Variants in GLMN observed in about 807,000 individuals in gnomAD.
GLMN encodes the protein glomulin.
GLMN carries 75 observed loss-of-function variants against 87.8 expected under a neutral mutation model. That is an observed-to-expected ratio of 0.85 (90% CI 0.71 to 1.04). GLMN has a LOEUF of 1.04. Ranked by LOEUF, GLMN falls within the 50% of genes least tolerant of loss-of-function variation. GLMN has a pLI of 0.00. For missense variants in GLMN, 588 were observed against 658.8 expected, an observed-to-expected ratio of 0.89 and a Z score of 1.18; for synonymous variants, 206 against 221.6, an observed-to-expected ratio of 0.93 and a Z score of 0.63.
chr1:92,314,207 T>C, the GLMN span, among the ~76,000 whole-genome samples: 1 of 152,216 alleles, frequency 6.6e-6, no homozygotes, highest in Non-Finnish European at 1.5e-5. Flanking sequence ...GCTTTTGACA[T>C]GCCTTCCTCA....
chr1:92,332,426 C>T, the GLMN span, among the ~76,000 whole-genome samples: 105 of 151,726 alleles, frequency 6.9e-4, no homozygotes, highest in Non-Finnish European at 3.1e-4. Context: ...ATTTAGATTC[C>T]CTGAGGATTG....
chr1:92,333,223 C>A, the GLMN span: 1 of 575,772 alleles, frequency 1.7e-6, no homozygotes, highest in Non-Finnish European at 3.1e-6. Flanking sequence ...TTCACAACAG[C>A]CTAACAACTG....
chr1:92,325,685 A>T, the GLMN span, among the ~76,000 whole-genome samples: 1 of 152,314 alleles, frequency 6.6e-6, no homozygotes, highest in East Asian at 1.9e-4. Context: ...ACCCAAGCCA[A>T]GAAATAGGTC....
intron 7 of GLMN, among the ~76,000 whole-genome samples, chr1:92,285,611 A>C (rs1245909712): frequency 1.3e-5 from 2 of 152,202 alleles, no homozygotes; most frequent in African/African-American, 4.8e-5. Flanking sequence ...CTTAAAGTAT[A>C]ATTGAAAAAG....
the GLMN span, among the ~76,000 whole-genome samples, chr1:92,346,666 T>A: frequency 2.6e-5 from 4 of 152,222 alleles, no homozygotes; most frequent in African/African-American, 9.6e-5. Flanking sequence ...TGTACATTTT[T>A]AAAATCTGAC....
chr1:92,251,919 C>T (rs1359108401), intron 16 of GLMN, among the ~76,000 whole-genome samples: 2 of 151,942 alleles, frequency 1.3e-5, no homozygotes, highest in African/African-American at 2.4e-5. Context: ...CCTCAGCCTC[C>T]AGAGTAGCTG....
chr1:92,344,963 C>G, the GLMN span, among the ~76,000 whole-genome samples: 1 of 152,050 alleles, frequency 6.6e-6, no homozygotes, highest in South Asian at 2.1e-4. Flanking sequence ...AGTGATCTTT[C>G]TAAATGCTTT....
At chr1:92,247,775 CTAAAG>C (rs1156307084) in intron 17 of GLMN, 98 bp downstream of exon 17, 8 of 691,340 alleles carry the variant, frequency 1.2e-5, no homozygotes, top group Non-Finnish European at 1.8e-5. Flanking sequence ...GTTATGGTCT[CTAAAG>C]TACAAGATTT....
chr1:92,329,303 C>T, the GLMN span, among the ~76,000 whole-genome samples: 2 of 152,110 alleles, frequency 1.3e-5, no homozygotes, highest in African/African-American at 4.8e-5. Flanking sequence ...ATTCCCAGGC[C>T]AATGGAGTTA....
the GLMN span, among the ~76,000 whole-genome samples, chr1:92,344,072 C>T: frequency 1.3e-5 from 2 of 152,104 alleles, no homozygotes; most frequent in Non-Finnish European, 2.9e-5. Context: ...TGTTTACTGC[C>T]ATAAACAATA....
upstream of GLMN, among the ~76,000 whole-genome samples, chr1:92,302,271 C>G (rs1650903868): frequency 6.7e-6 from 1 of 149,366 alleles, no homozygotes; most frequent in South Asian, 2.1e-4. Flanking sequence ...GAGTGAGACT[C>G]TGTCTCAAAA....
chr1:92,288,841 G>T, intron 6 of GLMN, 73 bp downstream of exon 6: 1 of 830,626 alleles, frequency 1.2e-6, no homozygotes, highest in Non-Finnish European at 2.1e-6. Context: ...GTCAAACAAA[G>T]TGAAGAAACA....
the GLMN span, among the ~76,000 whole-genome samples, chr1:92,311,142 G>A: frequency 3.9e-5 from 6 of 152,264 alleles, no homozygotes; most frequent in Middle Eastern, 3.4e-3. Context: ...TTTGAAGAGC[G>A]CTGTTTTGTT....
chr1:92,284,743 A>T (rs1462261131), intron 7 of GLMN, among the ~76,000 whole-genome samples: 1 of 152,210 alleles, frequency 6.6e-6, no homozygotes, highest in Non-Finnish European at 1.5e-5. Flanking sequence ...GCTAATATCC[A>T]GAATCTACAA....
chr1:92,333,474 G>A, the GLMN span: 2 of 1,604,894 alleles, frequency 1.2e-6, no homozygotes, highest in Middle Eastern at 1.6e-4. Context: ...TGAGTAAAGT[G>A]TAAGTATGTA....
chr1:92,294,343 T>C (rs1329950641), intron 3 of GLMN, among the ~76,000 whole-genome samples: 1 of 152,040 alleles, frequency 6.6e-6, no homozygotes, highest in African/African-American at 2.4e-5. Context: ...ATAATAAAAA[T>C]AGAGTATACG....
chr1:92,250,147 GCTTTGACAAAAGGAAAC>G (rs71683653), intron 16 of GLMN, among the ~76,000 whole-genome samples: 3,552 of 151,850 alleles, frequency 0.023, 163 homozygotes, highest in African/African-American at 0.081. Context: ...AAAACACCTA[GCTTTGACAAAAGGAAAC>G]CTTTGACAAA....
At chr1:92,333,251 A>T in the GLMN span, 2 of 627,226 alleles carry the variant, frequency 3.2e-6, no homozygotes, top group Non-Finnish European at 5.5e-6. Flanking sequence ...ACTCAAATTT[A>T]AATCTAATTC....
chr1:92,340,081 G>C, the GLMN span, among the ~76,000 whole-genome samples: 11 of 152,062 alleles, frequency 7.2e-5, no homozygotes, highest in African/African-American at 2.7e-4. Flanking sequence ...AAAGCTTTGG[G>C]AAAATAAGCC....
Sources: allele counts gnomAD v4.1 joint callset (sites outside exome capture counted in the v4.1 genomes callset), GRCh38; gene constraint gnomAD v4.1.1; transcripts MANE v1.5; gene names NCBI Gene and HGNC (gene_info 2026-07-23, HGNC 2026-07-21).